Variants in SPECC1 observed in about 807,000 individuals in gnomAD.
The protein encoded by SPECC1 is sperm antigen with calponin homology and coiled-coil domains 1, also known as cytospin-B.
A neutral mutation model predicts 104.1 loss-of-function variants in SPECC1; 62 were observed. The ratio of observed to expected loss-of-function variants is 0.60; its 90% CI spans 0.49 to 0.74. SPECC1 has a LOEUF of 0.74. Among genes scored for constraint, SPECC1 ranks in the 30% least tolerant of loss-of-function variants. SPECC1 has a pLI of 0.00. For missense variants in SPECC1, 1,306 were observed against 1,310.5 expected (o/e 1.00, Z 0.05); for synonymous variants, 513 against 501.6 (o/e 1.02, Z -0.30).
intron 2 of SPECC1, among the ~76,000 whole-genome samples, chr17:20,104,321 T>C (rs1384303885): frequency 1.3e-5 from 2 of 152,208 alleles, no homozygotes; most frequent in Non-Finnish European, 2.9e-5. Flanking sequence ...TTCTCTGCTG[T>C]TTGTGCTCTG....
chr17:20,080,176 A>G (rs1191030374), intron 1 of SPECC1, among the ~76,000 whole-genome samples: 1 of 152,212 alleles, frequency 6.6e-6, no homozygotes, highest in Non-Finnish European at 1.5e-5. Context: ...ATAGGTAATG[A>G]AGGCAGAACT....
At chr17:20,141,583 A>G (rs951223061) in intron 3 of SPECC1, among the ~76,000 whole-genome samples, 1 of 152,214 alleles carries the variant, frequency 6.6e-6, no homozygotes, top group East Asian at 1.9e-4. Flanking sequence ...CATAAAATTC[A>G]CCCATTTACA....
At chr17:20,123,278 A>G (rs887260719) in intron 3 of SPECC1, among the ~76,000 whole-genome samples, 2 of 152,228 alleles carry the variant, frequency 1.3e-5, no homozygotes, top group African/African-American at 4.8e-5. Context: ...TTTTAAACTG[A>G]TATCAGTGTT....
At chr17:20,192,770 A>G (rs2035757888) in intron 3 of SPECC1, among the ~76,000 whole-genome samples, 2 of 152,198 alleles carry the variant, frequency 1.3e-5, no homozygotes. Flanking sequence ...TATTGTGACT[A>G]CATATATATT....
At chr17:20,096,966 G>A (rs748766379) in intron 2 of SPECC1, among the ~76,000 whole-genome samples, 168 bp downstream of exon 2, 9 of 152,152 alleles carry the variant, frequency 5.9e-5, no homozygotes, top group Non-Finnish European at 8.8e-5. Context: ...TAGAGCTAGC[G>A]GGTGGGAGTG....
intron 3 of SPECC1, among the ~76,000 whole-genome samples, chr17:20,180,083 G>T (rs577539108): frequency 6.6e-6 from 1 of 152,094 alleles, no homozygotes; most frequent in Non-Finnish European, 1.5e-5. Context: ...GTTAGAAATG[G>T]CAGGTAACTA....
At position 20,116,487 on chromosome 17, in the gene SPECC1, G is replaced by A. The variant is rs1268328057; in HGVS notation, c.283+5925G>A. 6.4e-5 allele frequency among the ~76,000 whole-genome samples: 7 copies of A among 108,800 alleles called. No homozygotes were observed. The East Asian group carries it at 1.4e-3, about 22-fold the overall frequency. 71.4% of individuals were successfully genotyped at this position (108,800 alleles called of 152,430 possible). A position where few individuals can be genotyped will look rare whatever the true frequency, so the allele number is the denominator to read the frequency against. On this transcript the variant is annotated intron_variant, in intron 3 of 14. Transcript: ENST00000395527. ...GGCAAAATATTTAGAAATAGTGTGA[G>A]CATCTATAAAAAAAATCTTAAAACT...
chr17:20,227,348 G>C (rs1314669147), intron 4 of SPECC1, 65 bp from the exon 5 acceptor site: 2 of 1,419,054 alleles, frequency 1.4e-6, no homozygotes, highest in African/African-American at 1.4e-5. Context: ...TGGCCTTCTA[G>C]TGTACAGATC....
chr17:20,081,047 C>T (rs934802119), intron 1 of SPECC1, among the ~76,000 whole-genome samples: 2 of 152,214 alleles, frequency 1.3e-5, no homozygotes, highest in African/African-American at 4.8e-5. Context: ...TCCCTCTTGT[C>T]ATCTAGTTCA....
At chr17:20,023,405 T>C (rs952999128) in intron 1 of SPECC1, among the ~76,000 whole-genome samples, 3 of 152,152 alleles carry the variant, frequency 2.0e-5, no homozygotes, top group African/African-American at 7.2e-5. Context: ...ATTATAGTGA[T>C]GGACAAGACA....
intron 12 of SPECC1, among the ~76,000 whole-genome samples, chr17:20,276,763 T>A (rs2040588760): frequency 6.6e-6 from 1 of 152,204 alleles, no homozygotes; most frequent in African/African-American, 2.4e-5. Flanking sequence ...TGGAGCAGAA[T>A]CATAAATCAA....
rs111553248 is a variant in SPECC1, at chr17:20,256,777, G to T, written c.2681-674G>T. ...TTCCTGTAGTCCCAGCTACTTGGGAGGCTGAGACAGAGGATCATTAGGAGG... is the reference window on the plus strand; with the variant it reads ...TTCCTGTAGTCCCAGCTACTTGGGATGCTGAGACAGAGGATCATTAGGAGG... On this transcript the variant is annotated intron_variant, in intron 10 of 14. Coordinates refer to ENST00000395527, the MANE Select transcript of SPECC1 (RefSeq NM_001243439.2). Among the ~76,000 whole-genome samples the T allele has an allele frequency of 6.2e-3, 939 of 152,340 alleles. 4 individuals are homozygous for T. Among genetic ancestry groups the T allele is most frequent in the African/African-American group, 0.02 (832 of 41,568 alleles).
At chr17:20,147,974 C>T (rs1212178906) in intron 3 of SPECC1, among the ~76,000 whole-genome samples, 1 of 151,948 alleles carries the variant, frequency 6.6e-6, no homozygotes, top group Non-Finnish European at 1.5e-5. Context: ...CCCAGGAGTT[C>T]GAGACTGCAG....
At chr17:20,038,464 A>G (rs1264464220) in intron 1 of SPECC1, among the ~76,000 whole-genome samples, 4 of 146,300 alleles carry the variant, frequency 2.7e-5, no homozygotes, top group Non-Finnish European at 4.5e-5. Context: ...CAGTGGCACA[A>G]TCTTGGCTCA....
chr17:20,094,170 C>T (rs114599142), intron 1 of SPECC1, among the ~76,000 whole-genome samples: 1,564 of 152,160 alleles, frequency 0.01, 29 homozygotes, highest in African/African-American at 0.036. Context: ...GGAGTGTGGG[C>T]AGCAGGAGGG....
At chr17:20,287,703 G>A (rs1375528569) in intron 12 of SPECC1, among the ~76,000 whole-genome samples, 1 of 151,810 alleles carries the variant, frequency 6.6e-6, no homozygotes, top group African/African-American at 2.4e-5. Flanking sequence ...GGCTCTGCAG[G>A]TTGCTGCTTG....
intron 1 of SPECC1, among the ~76,000 whole-genome samples, chr17:20,071,349 A>C (rs1201351460): frequency 6.6e-6 from 1 of 151,166 alleles, no homozygotes; most frequent in Non-Finnish European, 1.5e-5. Flanking sequence ...CTATTTTACT[A>C]TCTGGTAGTA....
chr17:20,318,183 C>T lies in SPECC1; in HGVS notation c.*4118C>T. 4.3e-6 allele frequency: 1 copy of T among 231,140 alleles called. No homozygotes were observed. Among genetic ancestry groups the T allele is most frequent in the East Asian group, 6.1e-5 (1 of 16,342 alleles). 14.3% of individuals were successfully genotyped at this position (231,140 alleles called of 1,614,324 possible). A position where few individuals can be genotyped will look rare whatever the true frequency, so the allele number is the denominator to read the frequency against. ...TGTATCATTTTTACATGAAAGACAG[C>T]TGCAAAATGCAAGCCCCAGTAGAGT... On this transcript the variant is annotated 3_prime_UTR_variant, in exon 15 of 15. Coordinates refer to ENST00000395527, the MANE Select transcript of SPECC1 (RefSeq NM_001243439.2).
Position 20,205,479 on chromosome 17 carries a change from G to T in SPECC1, c.1430G>T (p.Gly477Val). Residue 477 changes from glycine to valine, a missense_variant, in exon 4 of 15, where the codon GGC becomes GTC. Around this residue, in one of 2 missense-constraint regions of SPECC1, gnomAD observed 1,177 missense variants for 1,139.9 expected, o/e 1.03. Transcript: ENST00000395527. The stretch of plus-strand genomic sequence containing the variant: ...AAGTGCACAGGTATTCTTGAACAGG[G>T]CCGCTTTGAAAGAGAGAAGCTACTC... ...EQKCTGILEQ[G>V]RFEREKLLNI... The T allele has an allele frequency of 6.2e-7, 1 of 1,614,114 alleles. No individual in the cohort carries two copies.
Sources: gnomAD v4.1 joint callset for allele counts (sites outside exome capture counted in the v4.1 genomes callset) on GRCh38, gnomAD v4.1.1 for gene constraint, gnomAD v4.1.1 regional missense constraint, MANE v1.5 for transcripts, NCBI Gene and HGNC (gene_info 2026-07-23, HGNC 2026-07-21) for gene names.